Variants in CFAP77 observed in about 807,000 individuals in gnomAD.
CFAP77 encodes cilia- and flagella-associated protein 77.
Under a neutral mutation model 31.1 loss-of-function variants are expected in CFAP77, and 25 were observed. The observed-to-expected ratio is 0.80, with a 90% CI of 0.59 to 1.12. The LOEUF (loss-of-function observed/expected upper bound fraction) is 1.12, where lower values mean the gene tolerates loss of function less well. Among genes scored for constraint, CFAP77 ranks in the 50% most tolerant of loss-of-function variants. The pLI is 0.00. For missense variants in CFAP77, 377 were observed against 397.3 expected, an observed-to-expected ratio of 0.95 and a Z score of 0.44; for synonymous variants, 151 against 159.9, an observed-to-expected ratio of 0.94 and a Z score of 0.42.
rs1852191790 is a variant in CFAP77, at chr9:132,518,657, C to T, written c.525-18944C>T. The stretch of plus-strand genomic sequence containing the variant: ...CTCTTATTCTTCAGGGTGGATCAGG[C>T]CCATCTCCAGCTGGCGGTCCTGCCT... On this transcript the variant is annotated intron_variant, in intron 3 of 5. Transcript: ENST00000393216. Among the ~76,000 whole-genome samples the T allele has an allele frequency of 2.0e-5, 3 of 152,206 alleles. No individual in the cohort carries two copies. In the South Asian group the frequency reaches 6.2e-4, roughly 32 times the overall value.
intron 5 of CFAP77, among the ~76,000 whole-genome samples, chr9:132,563,015 G>T (rs1681725143): frequency 6.6e-6 from 1 of 151,482 alleles, no homozygotes; most frequent in African/African-American, 2.4e-5. Flanking sequence ...GGGTTTTTTT[G>T]GCTTTTTTTG....
rs1429010728 is a variant in CFAP77 at position 132,498,490 on chromosome 9, A to G, written c.196-205A>G. Among the ~76,000 whole-genome samples the G allele has an allele frequency of 6.6e-6, 1 of 151,680 alleles. No homozygotes were observed. Among genetic ancestry groups the G allele is most frequent in the Non-Finnish European group, 1.5e-5 (1 of 67,890 alleles). On this transcript the variant is annotated intron_variant, in intron 1 of 5. Transcript: ENST00000393216. This position sits in a 1 kb window ranked among gnomAD's most constrained non-coding sequence, Gnocchi z 4.2. ...ACTTGCCTTCAGCACAGACACACAG[A>G]CCCGCTTCTGCTGTGTGACCCTGTG...
intron 1 of CFAP77, among the ~76,000 whole-genome samples, chr9:132,472,925 A>G (rs1851284254): frequency 6.6e-6 from 1 of 152,148 alleles, no homozygotes; most frequent in South Asian, 2.1e-4. Flanking sequence ...GTAAGTTAAC[A>G]CCTGAGGCAC....
At chr9:132,562,001 A>G (rs570102624) in intron 5 of CFAP77, among the ~76,000 whole-genome samples, 11 of 152,240 alleles carry the variant, frequency 7.2e-5, no homozygotes, top group Admixed American at 6.5e-4. Context: ...TTTCTCAGGC[A>G]TGGAGGTGAA....
intron 1 of CFAP77, among the ~76,000 whole-genome samples, chr9:132,483,850 C>T (rs1336879573): frequency 2.6e-5 from 4 of 152,124 alleles, no homozygotes; most frequent in African/African-American, 9.7e-5. Context: ...CGTCTTTCCT[C>T]TCCTGTCCTC....
intron 5 of CFAP77, among the ~76,000 whole-genome samples, chr9:132,556,810 G>C (rs569705055): frequency 4.3e-4 from 66 of 152,340 alleles, no homozygotes; most frequent in African/African-American, 1.6e-3. Flanking sequence ...ATTAGGAGCC[G>C]AGGCCGCTCC....
chr9:132,475,860 A>T (rs1459140460), intron 1 of CFAP77, among the ~76,000 whole-genome samples: 3 of 152,074 alleles, frequency 2.0e-5, no homozygotes, highest in African/African-American at 7.2e-5. Context: ...TGCAGTACTG[A>T]TCCTACCATG....
At chr9:132,519,681 TG>T in intron 3 of CFAP77, among the ~76,000 whole-genome samples, 1 of 59,700 alleles carries the variant, frequency 1.7e-5, no homozygotes, top group Non-Finnish European at 3.2e-5. Flanking sequence ...GATGGATGGA[TG>T]AGTGGGTGGG....
intron 1 of CFAP77, among the ~76,000 whole-genome samples, chr9:132,446,905 T>A (rs1850732193): frequency 6.6e-6 from 1 of 152,164 alleles, no homozygotes; most frequent in Non-Finnish European, 1.5e-5. Context: ...TTTTACTTTT[T>A]AAAATTAATT....
chr9:132,413,655 T>C (rs1850048781), intron 1 of CFAP77, among the ~76,000 whole-genome samples: 1 of 152,164 alleles, frequency 6.6e-6, no homozygotes, highest in South Asian at 2.1e-4. Flanking sequence ...GTTGCACCTT[T>C]CCTGCCATCG....
At chr9:132,478,983 A>T (rs997983161) in intron 1 of CFAP77, among the ~76,000 whole-genome samples, 6 of 152,190 alleles carry the variant, frequency 3.9e-5, no homozygotes, top group African/African-American at 1.4e-4. Context: ...TGCAGAGAGG[A>T]GGAAAATTAT....
intron 3 of CFAP77, among the ~76,000 whole-genome samples, chr9:132,522,950 T>C (rs539646049): frequency 9.2e-5 from 14 of 152,318 alleles, no homozygotes; most frequent in Admixed American, 2.0e-4. Flanking sequence ...TTCCTTTTTT[T>C]CCTCTATTCT....
chr9:132,521,111 A>T (rs1266023962), intron 3 of CFAP77, among the ~76,000 whole-genome samples: 1 of 152,214 alleles, frequency 6.6e-6, no homozygotes, highest in African/African-American at 2.4e-5. Context: ...GGTTGCTTCC[A>T]TGGCGTCTGC....
rs888307673 is a variant in CFAP77 at position 132,497,956 on chromosome 9, CCCTG to C, written c.196-736_196-733del. Among the ~76,000 whole-genome samples the C allele has an allele frequency of 2.6e-5, 4 of 152,166 alleles. No individual in the cohort carries two copies. Among genetic ancestry groups the C allele is most frequent in the Non-Finnish European group, 5.9e-5 (4 of 68,018 alleles). On this transcript the variant is annotated intron_variant, in intron 1 of 5. Transcript: ENST00000393216. The surrounding 1 kb of genome is among the most constrained non-coding windows in gnomAD (Gnocchi z 4.9). Reference sequence around the variant, plus strand: ...AGGACAGGCACGCCTCCATGCGATGCCCTGCCCAGCGCTTGGGGGCCGGGGATAT... The same window carrying C: ...AGGACAGGCACGCCTCCATGCGATGCCCCAGCGCTTGGGGGCCGGGGATAT...
At chr9:132,508,095 C>T (rs1399744936) in intron 3 of CFAP77, among the ~76,000 whole-genome samples, 1 of 152,132 alleles carries the variant, frequency 6.6e-6, no homozygotes, top group Non-Finnish European at 1.5e-5. Context: ...TAGTCTGGGG[C>T]CCTTTAAGAC....
At chr9:132,443,945 A>T (rs1235311352) in intron 1 of CFAP77, among the ~76,000 whole-genome samples, 1 of 152,212 alleles carries the variant, frequency 6.6e-6, no homozygotes, top group Non-Finnish European at 1.5e-5. Context: ...TTATTCAATC[A>T]ACCGTTGAGT....
At chr9:132,561,323 T>A (rs1002727078) in intron 5 of CFAP77, among the ~76,000 whole-genome samples, 2 of 152,170 alleles carry the variant, frequency 1.3e-5, no homozygotes, top group Admixed American at 1.3e-4. Context: ...ATTATTTTTT[T>A]TTTTTAGCTC....
chr9:132,486,708 C>G (rs925064054), intron 1 of CFAP77, among the ~76,000 whole-genome samples: 34 of 152,370 alleles, frequency 2.2e-4, no homozygotes, highest in African/African-American at 7.7e-4. Flanking sequence ...CGGATGCATC[C>G]CCGCACCTCG....
At chr9:132,486,607 G>T (rs1851563277) in intron 1 of CFAP77, among the ~76,000 whole-genome samples, 2 of 152,252 alleles carry the variant, frequency 1.3e-5, no homozygotes, top group Admixed American at 6.5e-5. Context: ...AACCTCTCAC[G>T]TTCGCCTTTT....
Sources: gnomAD v4.1 joint callset for allele counts (sites outside exome capture counted in the v4.1 genomes callset) on GRCh38, gnomAD v4.1.1 for gene constraint, Gnocchi (gnomAD v3.1) non-coding constraint, MANE v1.5 for transcripts, NCBI Gene and HGNC (gene_info 2026-07-23, HGNC 2026-07-21) for gene names.